The following CDON variants were observed in gnomAD, a reference collection of about 807,000 sequenced individuals.
CDON encodes the protein cell adhesion molecule-related/down-regulated by oncogenes.
Under a neutral mutation model 120.9 loss-of-function variants are expected in CDON, and 73 were observed. The ratio of observed to expected loss-of-function variants is 0.60; its 90% CI spans 0.50 to 0.73. CDON has a LOEUF of 0.73. CDON is among the 30% of genes least tolerant of loss of function. CDON has a pLI of 0.00. For missense variants in CDON, 1,470 were observed against 1,587.3 expected (o/e 0.93, Z 1.26); for synonymous variants, 566 against 573.5 (o/e 0.99, Z 0.19).
chr11:126,061,392 T>G (rs985224985), intron 1 of CDON, among the ~76,000 whole-genome samples: 1 of 152,230 alleles, frequency 6.6e-6, no homozygotes, highest in Non-Finnish European at 1.5e-5. Context: ...AAGGTTTTCT[T>G]TCATCTTATC....
At chr11:126,035,592 C>T (rs1948073627) in intron 1 of CDON, among the ~76,000 whole-genome samples, 2 of 152,132 alleles carry the variant, frequency 1.3e-5, no homozygotes, top group African/African-American at 4.8e-5. Flanking sequence ...CATTCATAAG[C>T]TGACATACAA....
chr11:125,971,943 GGAGAA>G (rs1005211373), intron 18 of CDON, among the ~76,000 whole-genome samples: 29 of 152,164 alleles, frequency 1.9e-4, no homozygotes, highest in African/African-American at 9.7e-5. Context: ...TTTGAATTCA[GGAGAA>G]GAGAAGAGAA....
In CDON at chr11:125,959,313, G is replaced by A. The variant is rs1030912526; in HGVS notation, c.*1629C>T. On this transcript the variant is annotated 3_prime_UTR_variant, in exon 20 of 20. Transcript: ENST00000531738. The stretch of plus-strand genomic sequence containing the variant: ...ACATTTCTTCACTTCTGCTGGAATT[G>A]CTTGACTCTATAGAAAGAGAATAAT... 6.6e-6 allele frequency: 1 copy of A among 152,162 alleles called. No homozygotes were observed. Among genetic ancestry groups the A allele is most frequent in the African/African-American group, 2.4e-5 (1 of 41,428 alleles). 9.4% of individuals were successfully genotyped at this position (152,162 alleles called of 1,614,324 possible). A position where few individuals can be genotyped will look rare whatever the true frequency, so the allele number is the denominator to read the frequency against.
intron 18 of CDON, among the ~76,000 whole-genome samples, chr11:125,975,973 A>C (rs919111571): frequency 6.6e-6 from 1 of 152,232 alleles, no homozygotes; most frequent in Non-Finnish European, 1.5e-5. Context: ...AACTTAACTG[A>C]AATCACGCTT....
chr11:126,039,311 T>C (rs957830541), intron 1 of CDON, among the ~76,000 whole-genome samples: 1 of 152,108 alleles, frequency 6.6e-6, no homozygotes, highest in Non-Finnish European at 1.5e-5. Context: ...AAACAGAAAA[T>C]TTACAAACAA....
intron 1 of CDON, among the ~76,000 whole-genome samples, chr11:126,061,100 TC>T (rs1372633066): frequency 6.6e-6 from 1 of 152,230 alleles, no homozygotes; most frequent in Non-Finnish European, 1.5e-5. Flanking sequence ...AAGACAGATT[TC>T]CCAAACACTG....
At chr11:125,981,980 T>TTTTTTTTC in intron 16 of CDON, among the ~76,000 whole-genome samples, 1 of 112,310 alleles carries the variant, frequency 8.9e-6, no homozygotes, top group African/African-American at 3.6e-5. Flanking sequence ...CTTTTTTTTT[T>TTTTTTTTC]TTTTTTTTTT....
intron 18 of CDON, among the ~76,000 whole-genome samples, chr11:125,974,786 C>T (rs1162093610): frequency 6.6e-6 from 1 of 152,112 alleles, no homozygotes; most frequent in East Asian, 1.9e-4. Context: ...TCAACTCATA[C>T]TTCAACTCTA....
chr11:125,971,678 C>T (rs1946003552), intron 18 of CDON, among the ~76,000 whole-genome samples: 1 of 152,070 alleles, frequency 6.6e-6, no homozygotes, highest in African/African-American at 2.4e-5. Context: ...TTTTTCCAAG[C>T]TGATTTTCGC....
intron 1 of CDON, among the ~76,000 whole-genome samples, chr11:126,041,188 T>TA (rs562515383): frequency 0.14 from 12,956 of 93,846 alleles, 768 homozygotes; most frequent in Middle Eastern, 0.21. Context: ...TGAGACTGTC[T>TA]AAAAAAAAAA....
intron 9 of CDON, 62 bp downstream of exon 9, chr11:126,005,697 A>G (rs1052654576): frequency 6.2e-6 from 9 of 1,450,468 alleles, no homozygotes; most frequent in South Asian, 2.3e-5. Context: ...AGGCAACAGT[A>G]TATGTTATAC....
In CDON at chr11:126,001,717, A is replaced by G. The variant is rs1410395432; in HGVS notation, c.2158+2T>C. On this transcript the variant is annotated splice_donor_variant, in intron 11 of 19. Transcript: ENST00000531738. LOFTEE classifies it high-confidence loss of function. ...GAAACAATAAAATATTCTTCTTTTT[A>G]CCTCCACTGTGCCTAGAGGAATCTG... The G allele has an allele frequency of 6.2e-7, 1 of 1,612,978 alleles. No homozygotes were observed. The highest frequency in any genetic ancestry group is 8.5e-7 in the Non-Finnish European group (1 of 1,179,054).
chr11:125,971,180 A>G (rs185173106), intron 18 of CDON, among the ~76,000 whole-genome samples: 138 of 152,232 alleles, frequency 9.1e-4, no homozygotes, highest in East Asian at 2.7e-3. Flanking sequence ...TCAGGAGACC[A>G]AGACCATCCT....
intron 17 of CDON, among the ~76,000 whole-genome samples, chr11:125,980,579 TGAC>T (rs1946267136): frequency 6.6e-6 from 1 of 152,166 alleles, no homozygotes; most frequent in Non-Finnish European, 1.5e-5. Flanking sequence ...CCTCAGTCCA[TGAC>T]GACTGTAAGT....
intron 3 of CDON, among the ~76,000 whole-genome samples, chr11:126,020,787 A>T (rs1372951132): frequency 6.6e-6 from 1 of 152,186 alleles, no homozygotes; most frequent in East Asian, 1.9e-4. Context: ...GCTTCAATTA[A>T]ATATATTAAA....
intron 7 of CDON, among the ~76,000 whole-genome samples, chr11:126,014,591 G>A (rs1049070249): frequency 8.6e-5 from 13 of 152,020 alleles, no homozygotes; most frequent in African/African-American, 2.2e-4. Context: ...TCACACAGGC[G>A]CAAAATAATC....
chr11:125,961,004 A>C lies in CDON; in HGVS notation c.3733T>G (p.Ser1245Ala). 6.2e-7 allele frequency: 1 copy of C among 1,614,122 alleles called. No individual in the cohort carries two copies. Among genetic ancestry groups the C allele is most frequent in the South Asian group, 1.1e-5 (1 of 91,086 alleles). Reference sequence around the variant, plus strand: ...CTGTCTAAAGGAATGCCAGGTGGAGACCACATTGTCTTCTCAGCACAGCCC... The same window carrying C: ...CTGTCTAAAGGAATGCCAGGTGGAGCCCACATTGTCTTCTCAGCACAGCCC... ...PEGCAEKTMW[S>A]PPGIPLDSPT... The change falls in exon 20 of 20, where the codon TCT becomes GCT. Residue 1245 changes from serine (S) to alanine (A), a missense_variant. Physicochemically the swap from Ser to Ala is moderately conservative, Grantham distance 99. Transcript: ENST00000531738.
At position 126,023,149 on chromosome 11, in the gene CDON, AT is replaced by A. The variant is rs5795474; in HGVS notation, c.76+251del. 0.63 allele frequency among the ~76,000 whole-genome samples: 95,636 copies of A among 151,688 alleles called. 31,412 individuals carry two copies. Among genetic ancestry groups the A allele is most frequent in the African/African-American group, 0.82 (33,760 of 41,364 alleles). Reference sequence around the variant, plus strand: ...AAAAAAGCATGATTGGAAAATATGTATTTTTTTTTAAAAAATGAAAGGGATA... The same window carrying A: ...AAAAAAGCATGATTGGAAAATATGTATTTTTTTTAAAAAATGAAAGGGATA... On this transcript the variant is annotated intron_variant, in intron 2 of 19. Transcript: ENST00000531738.
chr11:126,029,032 C>T (rs528220248), intron 1 of CDON, among the ~76,000 whole-genome samples: 1 of 152,034 alleles, frequency 6.6e-6, no homozygotes, highest in Non-Finnish European at 1.5e-5. Context: ...CCCCCAATAG[C>T]CAACCCCATC....
Sources: allele counts gnomAD v4.1 joint callset (sites outside exome capture counted in the v4.1 genomes callset), GRCh38; gene constraint gnomAD v4.1.1; transcripts MANE v1.5; gene names NCBI Gene and HGNC (gene_info 2026-07-23, HGNC 2026-07-21).